The following CCDC33 variants were observed in gnomAD, a reference collection of about 807,000 sequenced individuals.
CCDC33 encodes coiled-coil domain containing 33.
Under a neutral mutation model 91.9 loss-of-function variants are expected in CCDC33, and 94 were observed. The observed-to-expected ratio is 1.02, with a 90% CI of 0.87 to 1.21. The LOEUF is 1.21. Among genes scored for constraint, CCDC33 ranks in the 50% most tolerant of loss-of-function variants. The pLI, the probability that CCDC33 is intolerant of heterozygous loss-of-function variation, is 0.00. For synonymous variants in CCDC33, 396 were observed against 374.5 expected (o/e 1.06, Z -0.66); for missense variants, 940 against 935.5 (o/e 1.00, Z -0.06).
At position 74,289,645 on chromosome 15, in the gene CCDC33, G is replaced by A. The variant is rs1199226139; in HGVS notation, c.1096-6109G>A. On this transcript the variant is annotated intron_variant, in intron 10 of 18. Transcript: ENST00000398814. ...CAGGAGGATTGCTTGAACCTGGGAG[G>A]TTGAGGCTGCAATGAGCTGAGATGG... Among the ~76,000 whole-genome samples the A allele has an allele frequency of 3.3e-5, 5 of 152,158 alleles. No homozygotes were observed. The East Asian group carries it at 9.6e-4, about 29-fold the overall frequency.
chr15:74,245,476 C>A (rs1240598494), intron 2 of CCDC33, among the ~76,000 whole-genome samples: 1 of 152,198 alleles, frequency 6.6e-6, no homozygotes, highest in African/African-American at 2.4e-5. Flanking sequence ...TAGCGGGGAG[C>A]TCGCCTTCTC....
At chr15:74,219,206 T>G (rs1010963484) in intron 2 of CCDC33, among the ~76,000 whole-genome samples, 35 of 152,290 alleles carry the variant, frequency 2.3e-4, no homozygotes, top group African/African-American at 8.4e-4. Context: ...GACAGAAGCC[T>G]CCTCTGTGTG....
At chr15:74,208,616 G>A (rs1281828254) in intron 1 of CCDC33, among the ~76,000 whole-genome samples, 1 of 152,096 alleles carries the variant, frequency 6.6e-6, no homozygotes, top group Non-Finnish European at 1.5e-5. Context: ...AGTGTCCCCT[G>A]AGGGCAGCCC....
chr15:74,272,807 G>T lies in CCDC33; in HGVS notation c.675G>T (p.Gly225=), dbSNP rs1459574438. 6.2e-7 allele frequency: 1 copy of T among 1,614,190 alleles called. No homozygotes were observed. The highest frequency in any genetic ancestry group is 1.7e-5 in the Admixed American group (1 of 60,030). ...CTAACAGGGACCTGGCCTCTGTGGG[G>T]CTGCCCATCACCCCACTGTCCTTCC... is the stretch of plus-strand genomic sequence containing the variant. ...SQANRDLASV[G]LPITPLSFPI... Residue 225 remains glycine (G), a synonymous_variant, in exon 7 of 19, where the codon GGG becomes GGT. Transcript: ENST00000398814.
chr15:74,225,155 T>TGTGTGTGTGTGA (rs1491175056), intron 2 of CCDC33, among the ~76,000 whole-genome samples: 27 of 143,190 alleles, frequency 1.9e-4, no homozygotes, highest in African/African-American at 5.6e-4. Context: ...TGTGTGTGTG[T>TGTGTGTGTGTGA]GACAGAGAAT....
At chr15:74,206,000 C>T (rs1157039517) in intron 1 of CCDC33, among the ~76,000 whole-genome samples, 1 of 152,206 alleles carries the variant, frequency 6.6e-6, no homozygotes, top group Admixed American at 6.5e-5. Flanking sequence ...GCCACCTAGC[C>T]GGATTTGAAC....
chr15:74,270,821 G>A (rs781422703), intron 5 of CCDC33, among the ~76,000 whole-genome samples: 6 of 152,150 alleles, frequency 3.9e-5, no homozygotes, highest in Non-Finnish European at 2.9e-5. Context: ...GCAAGGTGAC[G>A]CTGTCCACTC....
intron 10 of CCDC33, among the ~76,000 whole-genome samples, chr15:74,293,950 G>A (rs1316317178): frequency 1.3e-5 from 2 of 152,152 alleles, no homozygotes; most frequent in Non-Finnish European, 2.9e-5. Flanking sequence ...ATGAATTTCT[G>A]CACAGCAAAT....
At chr15:74,333,489 G>A (rs967421070) in intron 16 of CCDC33, among the ~76,000 whole-genome samples, 3 of 152,194 alleles carry the variant, frequency 2.0e-5, no homozygotes, top group African/African-American at 7.2e-5. Flanking sequence ...ACTCGCCGGA[G>A]GTGAGTTCTG....
intron 11 of CCDC33, among the ~76,000 whole-genome samples, chr15:74,317,719 C>A (rs117809061): frequency 1.3e-5 from 2 of 152,174 alleles, no homozygotes; most frequent in Non-Finnish European, 2.9e-5. Context: ...TGGGACCAAG[C>A]TTGTCTGGGA....
At position 74,266,745 on chromosome 15, in the gene CCDC33, G is replaced by A. The variant is rs763667711; in HGVS notation, c.387G>A (p.Lys129=). 1 of 1,614,206 alleles carries A rather than the reference G, an allele frequency of 6.2e-7. No individual in the cohort carries two copies. Among genetic ancestry groups the A allele is most frequent in the South Asian group, 1.1e-5 (1 of 91,078 alleles). ...QELLSYKIPI[K]YLRVFHPYHF... ...TGTTGTCCTACAAAATCCCCATCAA[G>A]TACCTGCGTGTCTTCCACCCCTACC... Residue 129 remains lysine, a synonymous_variant, in exon 4 of 19, where the codon AAG becomes AAA. Coordinates refer to ENST00000398814, the MANE Select transcript of CCDC33 (RefSeq NM_025055.5).
At chr15:74,276,093 A>G (rs2076441743) in intron 7 of CCDC33, among the ~76,000 whole-genome samples, 1 of 152,212 alleles carries the variant, frequency 6.6e-6, no homozygotes. Context: ...TCCCTGAGCC[A>G]ATCACTAAGG....
chr15:74,296,301 G>C (rs575647632), intron 11 of CCDC33, among the ~76,000 whole-genome samples: 1 of 152,124 alleles, frequency 6.6e-6, no homozygotes, highest in Non-Finnish European at 1.5e-5. Context: ...ATTCATTTTA[G>C]CTTATAACAG....
At chr15:74,324,112 A>G (rs1488825825) in intron 11 of CCDC33, among the ~76,000 whole-genome samples, 20 of 140,970 alleles carry the variant, frequency 1.4e-4, no homozygotes, top group Non-Finnish European at 3.0e-4. Context: ...AAAAAAAAAA[A>G]GTGTGAGCCA....
chr15:74,331,407 A>T, intron 15 of CCDC33, 111 bp downstream of exon 15: 1 of 1,080,676 alleles, frequency 9.3e-7, no homozygotes, highest in South Asian at 1.5e-5. Context: ...GGTCCCCTGC[A>T]CTCAGTTATG....
At chr15:74,260,384 G>T (rs2075990313) in intron 2 of CCDC33, among the ~76,000 whole-genome samples, 1 of 152,198 alleles carries the variant, frequency 6.6e-6, no homozygotes. Flanking sequence ...ATCTGAGAAG[G>T]ACTCCGGCTC....
In CCDC33 at chr15:74,272,903, C is replaced by T; in HGVS notation, c.759+12C>T. On this transcript the variant is annotated intron_variant, in intron 7 of 18. Coordinates refer to ENST00000398814, the MANE Select transcript of CCDC33 (RefSeq NM_025055.5). ...ACGGATGCCCTCAGGTATGTCTCCT[C>T]CCCAGTGGTTCCAGCTTCCTGTAAC... The T allele has an allele frequency of 6.2e-7, 1 of 1,614,022 alleles. No individual in the cohort carries two copies. Among genetic ancestry groups the T allele is most frequent in the Non-Finnish European group, 8.5e-7 (1 of 1,179,916 alleles).
At chr15:74,274,432 A>C (rs1264798690) in intron 7 of CCDC33, among the ~76,000 whole-genome samples, 1 of 152,184 alleles carries the variant, frequency 6.6e-6, no homozygotes. Flanking sequence ...TTGTCTGCCC[A>C]CCAGTGCTTA....
At chr15:74,225,117 C>CGTGTGTGT (rs3057568) in intron 2 of CCDC33, among the ~76,000 whole-genome samples, 5,247 of 139,870 alleles carry the variant, frequency 0.038, 101 homozygotes, top group African/African-American at 0.046. Flanking sequence ...CTCCTGGAGG[C>CGTGTGTGT]GTGTGTGTGT....
Sources: gnomAD v4.1 joint callset for allele counts (sites outside exome capture counted in the v4.1 genomes callset) on GRCh38, gnomAD v4.1.1 for gene constraint, MANE v1.5 for transcripts, NCBI Gene and HGNC (gene_info 2026-07-23, HGNC 2026-07-21) for gene names.